The following VSTM5 variants were observed in gnomAD, a reference collection of about 807,000 sequenced individuals.
VSTM5 encodes V-set and transmembrane domain containing 5, also known as V-set and transmembrane domain-containing protein 5.
In VSTM5, 21 loss-of-function variants were observed where a neutral mutation model predicts 20.3. The observed-to-expected ratio is 1.03, with a 90% CI of 0.73 to 1.49. The LOEUF (loss-of-function observed/expected upper bound fraction) is 1.49. VSTM5 is among the 40% of genes most tolerant of loss of function. The pLI is 0.00. For missense variants in VSTM5, 219 were observed against 250.0 expected (o/e 0.88, Z 0.84); for synonymous variants, 100 against 102.5 (o/e 0.98, Z 0.14).
chr11:93,821,289 G>A lies in VSTM5; in HGVS notation c.126C>T (p.Thr42=). 1 of 1,551,736 alleles carries A rather than the reference G, an allele frequency of 6.4e-7. No homozygotes were observed. Among genetic ancestry groups the A allele is most frequent in the South Asian group, 1.2e-5 (1 of 84,056 alleles). Residue 42 remains threonine, a synonymous_variant, in exon 2 of 4, where the codon ACC becomes ACT. Coordinates refer to ENST00000409977, the MANE Select transcript of VSTM5 (RefSeq NM_001144871.2). ...QGVSLYIPQA[T]INATVKEDIL... is the part of the protein sequence containing the mutation. The stretch of plus-strand genomic sequence containing the variant: ...TGTCTTCTTTGACAGTGGCATTGAT[G>A]GTGGCCTGAGGAATGTATAGGGACA...
At chr11:93,841,470 G>T (rs1343538363) in intron 1 of VSTM5, among the ~76,000 whole-genome samples, 2 of 152,210 alleles carry the variant, frequency 1.3e-5, no homozygotes, top group Non-Finnish European at 2.9e-5. Context: ...CCTAGGTGAT[G>T]CTTCCTTCAC....
chr11:93,839,467 T>C (rs1003721933), intron 1 of VSTM5, among the ~76,000 whole-genome samples: 2 of 152,232 alleles, frequency 1.3e-5, no homozygotes, highest in Non-Finnish European at 2.9e-5. Flanking sequence ...AGAAGTTATT[T>C]GGCCTCCCTG....
chr11:93,845,650 G>A (rs1028835057), intron 1 of VSTM5, among the ~76,000 whole-genome samples: 5 of 152,090 alleles, frequency 3.3e-5, no homozygotes, highest in African/African-American at 9.7e-5. Flanking sequence ...GAAAATCCAG[G>A]TGCAGAGAAG....
intron 1 of VSTM5, among the ~76,000 whole-genome samples, chr11:93,839,742 C>T (rs997349709): frequency 2.0e-5 from 3 of 152,214 alleles, no homozygotes; most frequent in African/African-American, 7.2e-5. Flanking sequence ...CCCAAAGCTC[C>T]CGCCCTTTTT....
intron 1 of VSTM5, among the ~76,000 whole-genome samples, chr11:93,833,726 GCT>G (rs1944300828): frequency 6.6e-6 from 1 of 152,116 alleles, no homozygotes; most frequent in African/African-American, 2.4e-5. Context: ...AACAACGTGA[GCT>G]CTCTGTCCCC....
chr11:93,830,642 G>A (rs1014174458), intron 1 of VSTM5, among the ~76,000 whole-genome samples: 1 of 152,214 alleles, frequency 6.6e-6, no homozygotes, highest in Admixed American at 6.5e-5. Context: ...CCGCTGAGCT[G>A]AGGGTCACTG....
chr11:93,826,945 T>C (rs891653968), intron 1 of VSTM5, among the ~76,000 whole-genome samples: 3 of 152,204 alleles, frequency 2.0e-5, no homozygotes, highest in South Asian at 4.1e-4. Context: ...GGAAAGACAT[T>C]TGATATAATT....
intron 1 of VSTM5, chr11:93,827,724 A>G (rs1283510177): frequency 6.7e-6 from 1 of 149,946 alleles, no homozygotes; most frequent in African/African-American, 2.5e-5. Context: ...ACTGCTATTG[A>G]GTAGTCTTAA....
At chr11:93,828,547 A>G (rs1944255926) in intron 1 of VSTM5, among the ~76,000 whole-genome samples, 1 of 152,238 alleles carries the variant, frequency 6.6e-6, no homozygotes, top group African/African-American at 2.4e-5. Context: ...TTGAGATGAC[A>G]ATTACATCTG....
intron 1 of VSTM5, among the ~76,000 whole-genome samples, chr11:93,837,752 G>A (rs574323937): frequency 6.6e-6 from 1 of 152,232 alleles, no homozygotes; most frequent in East Asian, 1.9e-4. Context: ...GGGTATACCA[G>A]GGCTATATGC....
chr11:93,834,110 A>T (rs1029983925), intron 1 of VSTM5, among the ~76,000 whole-genome samples: 1 of 152,134 alleles, frequency 6.6e-6, no homozygotes, highest in African/African-American at 2.4e-5. Flanking sequence ...TGGGACTAAC[A>T]ATGTTCTACT....
rs117623908 is a variant in VSTM5 at position 93,831,475 on chromosome 11, A to G, written c.92-10152T>C. On this transcript the variant is annotated intron_variant, in intron 1 of 3. Transcript: ENST00000409977. ...TTTAGTGGTGAAGAACAGTGCTGAT[A>G]GCTGCCCTGGGCACACAGTTCACAG... Among the ~76,000 whole-genome samples, 317 of 152,322 alleles carry G rather than the reference A, an allele frequency of 2.1e-3. 12 individuals carry two copies. The East Asian group carries it at 0.057, about 28-fold the overall frequency.
intron 1 of VSTM5, among the ~76,000 whole-genome samples, chr11:93,824,051 G>A (rs774341607): frequency 6.6e-6 from 1 of 151,944 alleles, no homozygotes; most frequent in Non-Finnish European, 1.5e-5. Context: ...GGGATTACAG[G>A]TGCCCACCAC....
At chr11:93,839,356 G>T (rs1944351579) in intron 1 of VSTM5, among the ~76,000 whole-genome samples, 1 of 152,174 alleles carries the variant, frequency 6.6e-6, no homozygotes, top group Admixed American at 6.5e-5. Flanking sequence ...GGCTTCTGGG[G>T]TCCTGGTTCC....
At position 93,833,802 on chromosome 11, in the gene VSTM5, G is replaced by C. The variant is rs565715952; in HGVS notation, c.92-12479C>G. Among the ~76,000 whole-genome samples the C allele has an allele frequency of 2.6e-3, 400 of 152,060 alleles. 12 individuals are homozygous for C. Among genetic ancestry groups the C allele is most frequent in the Non-Finnish European group, 1.0e-4 (7 of 67,986 alleles). Reference sequence around the variant, plus strand: ...TTACTGCAAGTTACAGCATCATCCTGTGTCCCTCCAGCATACCCGTGGACA... The same window carrying C: ...TTACTGCAAGTTACAGCATCATCCTCTGTCCCTCCAGCATACCCGTGGACA... On this transcript the variant is annotated intron_variant, in intron 1 of 3. Transcript: ENST00000409977.
intron 1 of VSTM5, among the ~76,000 whole-genome samples, chr11:93,835,075 T>C (rs1591400396): frequency 6.6e-6 from 1 of 152,162 alleles, no homozygotes; most frequent in Admixed American, 6.5e-5. Context: ...AGCAAAAAGG[T>C]CCTCACCAGA....
chr11:93,825,750 T>C (rs1157979932), intron 1 of VSTM5, among the ~76,000 whole-genome samples: 1 of 151,768 alleles, frequency 6.6e-6, no homozygotes, highest in East Asian at 1.9e-4. Flanking sequence ...CTTCCTTTTC[T>C]TTTTCTTTTC....
chr11:93,839,504 G>C (rs1299721038), intron 1 of VSTM5, among the ~76,000 whole-genome samples: 3 of 152,212 alleles, frequency 2.0e-5, no homozygotes, highest in South Asian at 2.1e-4. Context: ...GCATAAAGTG[G>C]GAATAGCAAC....
chr11:93,833,989 C>G (rs928674704), intron 1 of VSTM5, among the ~76,000 whole-genome samples: 2 of 152,106 alleles, frequency 1.3e-5, no homozygotes, highest in Non-Finnish European at 2.9e-5. Context: ...CACTTCCCTC[C>G]CTACCCAGCC....
Sources: allele counts gnomAD v4.1 joint callset (sites outside exome capture counted in the v4.1 genomes callset), GRCh38; gene constraint gnomAD v4.1.1; transcripts MANE v1.5; gene names NCBI Gene and HGNC (gene_info 2026-07-23, HGNC 2026-07-21).